Variants in TMEM132D observed in about 807,000 individuals in gnomAD.
The protein encoded by TMEM132D is transmembrane protein 132D.
TMEM132D carries 21 observed loss-of-function variants against 62.3 expected under a neutral mutation model. That is an observed-to-expected ratio of 0.34 (90% CI 0.24 to 0.49). The LOEUF (loss-of-function observed/expected upper bound fraction) is 0.49, where lower values mean the gene tolerates loss of function less well. Among genes scored for constraint, TMEM132D ranks in the 20% least tolerant of loss-of-function variants. The pLI is 0.99. For missense variants in TMEM132D, 1,346 were observed against 1,402.8 expected (o/e 0.96, Z 0.65); for synonymous variants, 621 against 575.6 (o/e 1.08, Z -1.13).
chr12:129,103,070 C>A (rs74702662), intron 5 of TMEM132D, among the ~76,000 whole-genome samples: 1 of 152,184 alleles, frequency 6.6e-6, no homozygotes. Context: ...TCCAAATCCA[C>A]CCTTCCATGC....
At chr12:129,454,870 C>A (rs1007089515) in intron 3 of TMEM132D, among the ~76,000 whole-genome samples, 1 of 152,140 alleles carries the variant, frequency 6.6e-6, no homozygotes, top group African/African-American at 2.4e-5. Context: ...TTGATGAACT[C>A]CATGGCTGTA....
intron 1 of TMEM132D, among the ~76,000 whole-genome samples, chr12:129,735,776 T>C (rs1400964679): frequency 6.6e-6 from 1 of 152,198 alleles, no homozygotes; most frequent in Non-Finnish European, 1.5e-5. Context: ...GTTACTAGAA[T>C]TGGGTGAGGG....
intron 4 of TMEM132D, among the ~76,000 whole-genome samples, chr12:129,326,828 G>A (rs1017791033): frequency 1.3e-5 from 2 of 151,878 alleles, no homozygotes; most frequent in Non-Finnish European, 2.9e-5. Context: ...TTAAAAATTG[G>A]TATAATATTT....
chr12:129,473,223 C>T (rs929626818), intron 3 of TMEM132D, among the ~76,000 whole-genome samples: 1 of 151,878 alleles, frequency 6.6e-6, no homozygotes, highest in African/African-American at 2.4e-5. Context: ...CCGGATCAGT[C>T]AGCAGTCGTC....
At chr12:129,877,851 G>T (rs1437144360) in intron 1 of TMEM132D, among the ~76,000 whole-genome samples, 3 of 152,202 alleles carry the variant, frequency 2.0e-5, no homozygotes, top group Non-Finnish European at 4.4e-5. Flanking sequence ...AAGGCTGCAT[G>T]AAATGATCTT....
chr12:129,691,893 C>T (rs1881071667), intron 2 of TMEM132D, among the ~76,000 whole-genome samples: 1 of 151,904 alleles, frequency 6.6e-6, no homozygotes, highest in African/African-American at 2.4e-5. Flanking sequence ...CACAAACTAA[C>T]AAAACTCACA....
rs780727364 is a variant in TMEM132D, at chr12:129,277,762, G to A, written c.1299+59872C>T. On this transcript the variant is annotated intron_variant, in intron 4 of 8. Transcript: ENST00000422113. The surrounding 1 kb of genome is among the most constrained non-coding windows in gnomAD (Gnocchi z 4.2). ...TTCCAGGAAGCCTCATAGATTCTCC[G>A]GAAGCCTCTCCTATGTCCTCTGGTG... Among the ~76,000 whole-genome samples, 3 of 152,110 alleles carry A rather than the reference G, an allele frequency of 2.0e-5. No individual in the cohort carries two copies. The highest frequency in any genetic ancestry group is 1.9e-4 in the East Asian group (1 of 5,192).
chr12:129,622,285 C>T (rs1439683145), intron 2 of TMEM132D, among the ~76,000 whole-genome samples: 2 of 152,098 alleles, frequency 1.3e-5, no homozygotes, highest in African/African-American at 2.4e-5. Flanking sequence ...TCGGTGTGGG[C>T]GATGACGAGA....
chr12:129,588,183 A>G (rs1413547595), intron 2 of TMEM132D, among the ~76,000 whole-genome samples: 1 of 152,248 alleles, frequency 6.6e-6, no homozygotes, highest in Non-Finnish European at 1.5e-5. Flanking sequence ...CCATATATCA[A>G]GATCATTCGC....
chr12:129,825,131 G>A (rs1047883632), intron 1 of TMEM132D, among the ~76,000 whole-genome samples: 6 of 150,696 alleles, frequency 4.0e-5, no homozygotes, highest in South Asian at 2.1e-4. Flanking sequence ...CTCCCGTCTC[G>A]GCCTCCCAAG....
At chr12:129,693,259 G>A (rs552896967) in intron 2 of TMEM132D, among the ~76,000 whole-genome samples, 3 of 152,214 alleles carry the variant, frequency 2.0e-5, no homozygotes, top group African/African-American at 7.2e-5. Context: ...GCCAGAGTGG[G>A]AAAATTTGAG....
Position 129,506,802 on chromosome 12 carries a change from A to T in TMEM132D, c.1115+24257T>A, listed in dbSNP as rs58651060. On this transcript the variant is annotated intron_variant, in intron 3 of 8. Transcript: ENST00000422113. ...ACTCTTCTAGACATTGGCTTAGGCA[A>T]GGATTTCATGACTAAGAACCCAAAA... Among the ~76,000 whole-genome samples the T allele has an allele frequency of 4.6e-3, 696 of 152,358 alleles. 3 individuals carry two copies. The highest frequency in any genetic ancestry group is 0.015 in the African/African-American group (604 of 41,598).
intron 1 of TMEM132D, among the ~76,000 whole-genome samples, chr12:129,729,930 G>C (rs1354548906): frequency 6.6e-6 from 1 of 152,076 alleles, no homozygotes; most frequent in Admixed American, 6.5e-5. Context: ...GATATTCCCT[G>C]CCCTTGTGAA....
At chr12:129,400,915 ATTCAG>A (rs1871602754) in intron 3 of TMEM132D, among the ~76,000 whole-genome samples, 1 of 152,182 alleles carries the variant, frequency 6.6e-6, no homozygotes. Context: ...AGCAAAATGT[ATTCAG>A]GTGTGATTTT....
intron 2 of TMEM132D, among the ~76,000 whole-genome samples, chr12:129,672,379 C>T (rs1222938272): frequency 6.6e-6 from 1 of 152,222 alleles, no homozygotes; most frequent in African/African-American, 2.4e-5. Flanking sequence ...CAGCTCGTCA[C>T]CTTTCCCACG....
chr12:129,650,808 T>G (rs1455862638), intron 2 of TMEM132D, among the ~76,000 whole-genome samples: 1 of 152,240 alleles, frequency 6.6e-6, no homozygotes, highest in Non-Finnish European at 1.5e-5. Context: ...GCTCATTTTA[T>G]TTCTAATATT....
intron 2 of TMEM132D, among the ~76,000 whole-genome samples, chr12:129,622,436 A>G (rs1192832510): frequency 2.0e-5 from 3 of 152,178 alleles, no homozygotes; most frequent in Non-Finnish European, 4.4e-5. Flanking sequence ...AAATGTGGAT[A>G]AATTTTGGGG....
intron 3 of TMEM132D, among the ~76,000 whole-genome samples, chr12:129,468,791 G>A (rs1874003674): frequency 6.6e-6 from 1 of 152,120 alleles, no homozygotes; most frequent in African/African-American, 2.4e-5. Context: ...ATATTTCTAA[G>A]TGCTCCAAGC....
chr12:129,468,213 CT>C (rs913528789), intron 3 of TMEM132D, among the ~76,000 whole-genome samples: 2 of 149,196 alleles, frequency 1.3e-5, no homozygotes, highest in African/African-American at 5.0e-5. Context: ...GTTTTCTCCC[CT>C]GGCTTCTGAC....
Sources: gnomAD v4.1 joint callset for allele counts (sites outside exome capture counted in the v4.1 genomes callset) on GRCh38, gnomAD v4.1.1 for gene constraint, Gnocchi (gnomAD v3.1) non-coding constraint, MANE v1.5 for transcripts, NCBI Gene and HGNC (gene_info 2026-07-23, HGNC 2026-07-21) for gene names.